The following ATXN1 variants were observed in gnomAD, a reference collection of about 807,000 sequenced individuals.
ATXN1 encodes ataxin-1.
A neutral mutation model predicts 56.4 loss-of-function variants in ATXN1; 8 were observed. The ratio of observed to expected loss-of-function variants is 0.14; its 90% confidence interval spans 0.08 to 0.26. The LOEUF (loss-of-function observed/expected upper bound fraction) is 0.26, where lower values mean the gene tolerates loss of function less well. Among genes scored for constraint, ATXN1 ranks in the 10% least tolerant of loss-of-function variants. ATXN1 has a pLI of 1.00. For synonymous variants in ATXN1, 514 were observed against 494.6 expected, an observed-to-expected ratio of 1.04 and a Z score of -0.52; for missense variants, 987 against 1,106.5, an observed-to-expected ratio of 0.89 and a Z score of 1.53.
At chr6:16,309,275 A>G (rs958594434) in intron 7 of ATXN1, among the ~76,000 whole-genome samples, 10 of 150,732 alleles carry the variant, frequency 6.6e-5, no homozygotes, top group African/African-American at 2.4e-4. Flanking sequence ...TTAATTAATT[A>G]AAAAAGGTCT....
At chr6:16,514,658 G>A (rs1293514396) in intron 5 of ATXN1, among the ~76,000 whole-genome samples, 24 of 152,164 alleles carry the variant, frequency 1.6e-4, no homozygotes, top group Non-Finnish European at 1.5e-5. Context: ...GGCATATCTG[G>A]GTCCCAGGCA....
intron 3 of ATXN1, among the ~76,000 whole-genome samples, chr6:16,629,554 C>A (rs1246331488): frequency 6.6e-6 from 1 of 152,130 alleles, no homozygotes; most frequent in African/African-American, 2.4e-5. Context: ...TGGTCTCTAA[C>A]TCCTGACTTT....
At chr6:16,744,041 T>C (rs917261237) in intron 2 of ATXN1, among the ~76,000 whole-genome samples, 6 of 152,118 alleles carry the variant, frequency 3.9e-5, no homozygotes, top group African/African-American at 1.2e-4. Flanking sequence ...TACTAACAAA[T>C]GTTCATTTTG....
chr6:16,416,246 G>C (rs1758904446), intron 6 of ATXN1, among the ~76,000 whole-genome samples: 1 of 152,088 alleles, frequency 6.6e-6, no homozygotes, highest in African/African-American at 2.4e-5. Context: ...TATACTTGAA[G>C]TAATGCAACT....
chr6:16,674,006 C>T (rs1022110056), intron 2 of ATXN1, among the ~76,000 whole-genome samples: 1 of 152,104 alleles, frequency 6.6e-6, no homozygotes, highest in Non-Finnish European at 1.5e-5. Context: ...GGTCTGTGTT[C>T]TCTCCATCAG....
At chr6:16,330,909 G>A (rs959408404) in intron 6 of ATXN1, among the ~76,000 whole-genome samples, 2 of 152,002 alleles carry the variant, frequency 1.3e-5, no homozygotes, top group African/African-American at 4.8e-5. Flanking sequence ...AGACTGGGAC[G>A]GAAATGAAAA....
At chr6:16,632,719 A>G (rs1440264027) in intron 3 of ATXN1, among the ~76,000 whole-genome samples, 1 of 152,138 alleles carries the variant, frequency 6.6e-6, no homozygotes, top group Non-Finnish European at 1.5e-5. Flanking sequence ...ATGAACCTCT[A>G]CAGAACCTAG....
intron 6 of ATXN1, among the ~76,000 whole-genome samples, chr6:16,389,297 A>ACTGCCCTC (rs202017619): frequency 1.3e-5 from 2 of 150,422 alleles, no homozygotes; most frequent in African/African-American, 4.9e-5. Context: ...AGATGGCGCC[A>ACTGCCCTC]CTGCACTCCA....
At chr6:16,584,241 TATAC>T (rs1221653651) in intron 4 of ATXN1, among the ~76,000 whole-genome samples, 14 of 121,282 alleles carry the variant, frequency 1.2e-4, no homozygotes, top group South Asian at 5.1e-4. Flanking sequence ...TATATATATA[TATAC>T]ACACACACAC....
chr6:16,487,484 G>C lies in ATXN1; in HGVS notation c.-298-1375C>G, dbSNP rs2237190. On this transcript the variant is annotated intron_variant, in intron 5 of 7. Transcript: ENST00000436367. The stretch of plus-strand genomic sequence containing the variant: ...AGAGACAAAATTGGGACAGAAGAGA[G>C]AAAGGAGGTGTCTGCTACTCACATA... Among the ~76,000 whole-genome samples the C allele has an allele frequency of 1.9e-4, 29 of 152,322 alleles. 1 individual carries two copies. The East Asian group carries it at 3.7e-3, about 19-fold the overall frequency.
At chr6:16,489,377 T>C (rs1284462037) in intron 5 of ATXN1, among the ~76,000 whole-genome samples, 1 of 152,186 alleles carries the variant, frequency 6.6e-6, no homozygotes, top group Non-Finnish European at 1.5e-5. Context: ...ATGCCTATCA[T>C]CATCATGTGT....
At chr6:16,440,391 C>G (rs1331322911) in intron 6 of ATXN1, among the ~76,000 whole-genome samples, 13 of 146,352 alleles carry the variant, frequency 8.9e-5, no homozygotes, top group African/African-American at 2.3e-4. Context: ...TTGGAGAAAA[C>G]AAATAGTTGG....
At chr6:16,530,218 A>C (rs2113705266) in intron 4 of ATXN1, among the ~76,000 whole-genome samples, 1 of 152,386 alleles carries the variant, frequency 6.6e-6, no homozygotes, top group East Asian at 1.9e-4. Flanking sequence ...ATTAAAGCTT[A>C]AAATGTAAGG....
Position 16,639,093 on chromosome 6 carries a change from TA to T in ATXN1, c.-489+18682del, listed in dbSNP as rs1467547461. Among the ~76,000 whole-genome samples, 9 of 152,276 alleles carry T rather than the reference TA, an allele frequency of 5.9e-5. No homozygotes were observed. The East Asian group carries it at 1.7e-3, about 29-fold the overall frequency. ...GTAAAATGGACCAATCAGCACTCTG[TA>T]AAATGGACCAATCAGTGCTCTGTAG... On this transcript the variant is annotated intron_variant, in intron 3 of 7. Transcript: ENST00000436367.
In ATXN1 at chr6:16,401,729, T is replaced by G. The variant is rs534700347; in HGVS notation, c.-160-73259A>C. On this transcript the variant is annotated intron_variant, in intron 6 of 7. Coordinates refer to ENST00000436367, the MANE Select transcript of ATXN1 (RefSeq NM_001128164.2). ...ACAAAAGTACTATGTTTATATCTCA[T>G]GAGTGTAACTGAATATTTTTCCCCT... is the stretch of plus-strand genomic sequence containing the variant. Among the ~76,000 whole-genome samples the G allele has an allele frequency of 5.9e-5, 9 of 152,332 alleles. No individual in the cohort carries two copies. The East Asian group carries it at 1.7e-3, about 29-fold the overall frequency.
chr6:16,708,782 T>G (rs1272533427), intron 2 of ATXN1, among the ~76,000 whole-genome samples: 1 of 151,920 alleles, frequency 6.6e-6, no homozygotes, highest in East Asian at 1.9e-4. Flanking sequence ...TCCTAGCACT[T>G]TGGGAGGCCA....
chr6:16,569,980 C>A (rs781443247), intron 4 of ATXN1, among the ~76,000 whole-genome samples: 15 of 152,178 alleles, frequency 9.9e-5, no homozygotes, highest in South Asian at 2.1e-4. Flanking sequence ...GGAATCACCA[C>A]CATACAGACG....
chr6:16,338,903 T>C (rs1046530519), intron 6 of ATXN1, among the ~76,000 whole-genome samples: 2 of 152,138 alleles, frequency 1.3e-5, no homozygotes, highest in African/African-American at 4.8e-5. Context: ...TGCAGACCCC[T>C]ATGCACACCA....
rs1483884699 is a variant in ATXN1, at chr6:16,327,660, C to CTGCTGA, written c.650_651insTCAGCA (p.Gln216_Gln217insHisGln). On this transcript the variant is annotated inframe_insertion, in exon 7 of 8. Coordinates refer to ENST00000436367, the MANE Select transcript of ATXN1 (RefSeq NM_001128164.2). ...GCTGCTGCTGCTGCTGCTGCTGCTGCTGCTGCTGCTGCTGCTGATGCTGAT... is the reference window on the plus strand; with the variant it reads ...GCTGCTGCTGCTGCTGCTGCTGCTGCTGCTGATGCTGCTGCTGCTGCTGATGCTGAT... 49 of 1,554,408 alleles carry CTGCTGA rather than the reference C, an allele frequency of 3.2e-5. No individual in the cohort carries two copies. In the East Asian group the frequency reaches 8.6e-4, roughly 27 times the overall value.
Sources: gnomAD v4.1 joint callset for allele counts (sites outside exome capture counted in the v4.1 genomes callset) on GRCh38, gnomAD v4.1.1 for gene constraint, MANE v1.5 for transcripts, NCBI Gene and HGNC (gene_info 2026-07-23, HGNC 2026-07-21) for gene names.